The following PATJ variants were observed in gnomAD, a reference collection of about 807,000 sequenced individuals.
PATJ encodes PATJ crumbs cell polarity complex component.
PATJ carries 190 observed loss-of-function variants against 224.9 expected under a neutral mutation model. The observed-to-expected ratio is 0.84, with a 90% confidence interval of 0.75 to 0.95. The LOEUF is 0.95. PATJ is among the 40% of genes least tolerant of loss of function. The pLI, the probability that PATJ is intolerant of heterozygous loss-of-function variation, is 0.00. For synonymous variants in PATJ, 769 were observed against 820.3 expected (o/e 0.94, Z 1.07); for missense variants, 2,121 against 2,270.3 (o/e 0.93, Z 1.34).
At chr1:61,880,987 A>G (rs1383458833) in intron 21 of PATJ, among the ~76,000 whole-genome samples, 1 of 152,156 alleles carries the variant, frequency 6.6e-6, no homozygotes, top group African/African-American at 2.4e-5. Flanking sequence ...TCAGCTACTC[A>G]GGTGCCTGAG....
At chr1:61,801,474 A>G in intron 11 of PATJ, 149 bp from the exon 12 acceptor site, 1 of 448,538 alleles carries the variant, frequency 2.2e-6, no homozygotes. Flanking sequence ...GGAATCATAT[A>G]TATAAGTTAC....
chr1:62,054,939 C>T (rs1558102347), intron 31 of PATJ, among the ~76,000 whole-genome samples: 1 of 151,962 alleles, frequency 6.6e-6, no homozygotes, highest in African/African-American at 2.4e-5. Context: ...CCTGTAGTCC[C>T]AGCTACTTGG....
At chr1:61,898,361 C>CTG (rs1447018415) in intron 22 of PATJ, among the ~76,000 whole-genome samples, 1 of 152,072 alleles carries the variant, frequency 6.6e-6, no homozygotes, top group African/African-American at 2.4e-5. Flanking sequence ...CTGCTCCAGC[C>CTG]TCCCCAGTAG....
At chr1:61,829,899 A>G (rs565109044) in intron 16 of PATJ, among the ~76,000 whole-genome samples, 1 of 152,366 alleles carries the variant, frequency 6.6e-6, no homozygotes, top group Non-Finnish European at 1.5e-5. Context: ...GTTGGAAGAT[A>G]TAAGTGTTTT....
intron 18 of PATJ, among the ~76,000 whole-genome samples, chr1:61,856,741 A>G (rs1287147198): frequency 6.6e-6 from 1 of 152,112 alleles, no homozygotes; most frequent in Non-Finnish European, 1.5e-5. Flanking sequence ...AGCATGTGCC[A>G]CTGTGCCTGG....
At chr1:62,025,018 T>C (rs865807286) in intron 29 of PATJ, among the ~76,000 whole-genome samples, 7 of 152,224 alleles carry the variant, frequency 4.6e-5, no homozygotes, top group African/African-American at 1.7e-4. Context: ...GCCTATCAAT[T>C]TTGTGAGAGC....
At chr1:61,985,975 C>A (rs1261459345) in intron 27 of PATJ, among the ~76,000 whole-genome samples, 1 of 151,964 alleles carries the variant, frequency 6.6e-6, no homozygotes, top group Admixed American at 6.5e-5. Context: ...TCCTATCTCC[C>A]AGGCATTTTT....
intron 12 of PATJ, 35 bp downstream of exon 12, chr1:61,801,804 T>G: frequency 7.7e-6 from 11 of 1,424,380 alleles, no homozygotes; most frequent in Non-Finnish European, 1.0e-5. Flanking sequence ...GATAACAGAC[T>G]TCTTCATTTG....
At chr1:61,880,685 G>A (rs771045263) in intron 21 of PATJ, among the ~76,000 whole-genome samples, 37 of 152,178 alleles carry the variant, frequency 2.4e-4, no homozygotes, top group Non-Finnish European at 4.7e-4. Context: ...CAGTACAATA[G>A]TATTTTATCA....
At chr1:61,745,824 G>C (rs897049599) in intron 1 of PATJ, among the ~76,000 whole-genome samples, 1 of 151,398 alleles carries the variant, frequency 6.6e-6, no homozygotes, top group Non-Finnish European at 1.5e-5. Flanking sequence ...GGCTGGTCTC[G>C]AACTCCTGAC....
intron 22 of PATJ, among the ~76,000 whole-genome samples, chr1:61,891,164 G>A (rs9970641): frequency 0.9 from 136,360 of 152,176 alleles, 61,191 homozygotes; most frequent in Admixed American, 0.93. Context: ...AAAATTATAG[G>A]TGTAATAGGA....
rs754986630 is a variant in PATJ, at chr1:61,766,422, C to T, written c.333C>T (p.Thr111=). ...CTGTATCTGGGTTATTTCCGTGGAC[C>T]CCGAAGTTGGGAAATGAAGACTTTA... ...NSTVSGLFPW[T]PKLGNEDFNS... Residue 111 remains threonine (T), a synonymous_variant, in exon 4 of 44, where the codon ACC becomes ACT. Coordinates refer to ENST00000642238, the MANE Select transcript of PATJ (RefSeq NM_001350145.3). 19 of 1,609,404 alleles carry T rather than the reference C, an allele frequency of 1.2e-5. No individual in the cohort carries two copies. Among genetic ancestry groups the T allele is most frequent in the African/African-American group, 2.7e-5 (2 of 74,612 alleles).
At chr1:62,037,939 T>C (rs1302113659) in intron 29 of PATJ, 38 bp from the exon 30 acceptor site, 4 of 1,369,170 alleles carry the variant, frequency 2.9e-6, no homozygotes, top group Non-Finnish European at 4.0e-6. Context: ...ACTTAGCATT[T>C]ACTGTGTACT....
At chr1:62,150,212 G>A (rs1668480379) in intron 42 of PATJ, among the ~76,000 whole-genome samples, 1 of 152,076 alleles carries the variant, frequency 6.6e-6, no homozygotes, top group African/African-American at 2.4e-5. Context: ...CACCTATAGG[G>A]GGCAATTCAT....
At chr1:61,991,696 A>G in intron 28 of PATJ, 2 of 984,128 alleles carry the variant, frequency 2.0e-6, no homozygotes, top group Non-Finnish European at 2.4e-6. Flanking sequence ...AGCACCACGA[A>G]TGGGACCCAC....
rs77478619 is a variant in PATJ at position 61,990,969 on chromosome 1, C to G, written c.3867+605C>G. Among the ~76,000 whole-genome samples, 1,235 of 152,234 alleles carry G rather than the reference C, an allele frequency of 8.1e-3. 24 individuals carry two copies. The highest frequency in any genetic ancestry group is 0.028 in the African/African-American group (1,171 of 41,526). On this transcript the variant is annotated intron_variant, in intron 28 of 43. Coordinates refer to ENST00000642238, the MANE Select transcript of PATJ (RefSeq NM_001350145.3). Reference sequence around the variant, plus strand: ...AAAAGGTTATTCTTATTCTTCTACACTTAAATTTAAGGTATCTGTTCTGAG... The same window carrying G: ...AAAAGGTTATTCTTATTCTTCTACAGTTAAATTTAAGGTATCTGTTCTGAG...
chr1:62,096,190 T>A (rs1661377664), intron 33 of PATJ, among the ~76,000 whole-genome samples: 1 of 152,154 alleles, frequency 6.6e-6, no homozygotes, highest in Admixed American at 6.5e-5. Context: ...GTATGGGAAC[T>A]GAAACAAGAA....
chr1:61,871,862 CT>C (rs371028820), intron 20 of PATJ, among the ~76,000 whole-genome samples: 2,688 of 130,752 alleles, frequency 0.021, 45 homozygotes, highest in Admixed American at 0.045. Context: ...CCACGTCTGG[CT>C]TTTTTTTTTT....
At chr1:61,855,528 G>T (rs927764182) in intron 17 of PATJ, among the ~76,000 whole-genome samples, 8 of 151,958 alleles carry the variant, frequency 5.3e-5, no homozygotes, top group African/African-American at 1.9e-4. Flanking sequence ...AGCACCCCCT[G>T]CTCCACCTCC....
Sources: gnomAD v4.1 joint callset for allele counts (sites outside exome capture counted in the v4.1 genomes callset) on GRCh38, gnomAD v4.1.1 for gene constraint, MANE v1.5 for transcripts, NCBI Gene and HGNC (gene_info 2026-07-23, HGNC 2026-07-21) for gene names.